Variants in XRCC4 observed in about 807,000 individuals in gnomAD.
XRCC4 encodes DNA repair protein XRCC4.
In XRCC4, 28 loss-of-function variants were observed where a neutral mutation model predicts 39.1. The ratio of observed to expected loss-of-function variants is 0.72; its 90% CI spans 0.53 to 0.98. The LOEUF is 0.98. Ranked by LOEUF, XRCC4 falls within the 50% of genes least tolerant of loss-of-function variation. The pLI is 0.00. For missense variants in XRCC4, 350 were observed against 376.4 expected, an observed-to-expected ratio of 0.93 and a Z score of 0.58; for synonymous variants, 123 against 126.4, an observed-to-expected ratio of 0.97 and a Z score of 0.18.
At chr5:83,314,982 T>C (rs780944643) in intron 7 of XRCC4, among the ~76,000 whole-genome samples, 3 of 152,056 alleles carry the variant, frequency 2.0e-5, no homozygotes, top group Non-Finnish European at 4.4e-5. Flanking sequence ...ATGATTAAGC[T>C]TAGTGAGGAA....
intron 6 of XRCC4, among the ~76,000 whole-genome samples, chr5:83,255,775 A>G (rs978295781): frequency 1.3e-5 from 2 of 152,198 alleles, no homozygotes; most frequent in Non-Finnish European, 2.9e-5. Flanking sequence ...CTCATAGAAA[A>G]TGTTCATTTT....
intron 7 of XRCC4, among the ~76,000 whole-genome samples, chr5:83,316,040 A>C (rs555276340): frequency 3.9e-5 from 6 of 152,154 alleles, no homozygotes; most frequent in Non-Finnish European, 8.8e-5. Flanking sequence ...TTCATGATTC[A>C]TGGGAGGTGG....
chr5:83,101,112 T>A (rs1161108987), intron 1 of XRCC4, among the ~76,000 whole-genome samples: 1 of 152,104 alleles, frequency 6.6e-6, no homozygotes, highest in Non-Finnish European at 1.5e-5. Context: ...TTTTAAAGGA[T>A]CATCTAATGA....
chr5:83,155,175 A>G (rs1748898506), intron 3 of XRCC4, among the ~76,000 whole-genome samples: 1 of 152,176 alleles, frequency 6.6e-6, no homozygotes, highest in Non-Finnish European at 1.5e-5. Context: ...AATTTAAATT[A>G]CTCAAAGCAA....
intron 6 of XRCC4, among the ~76,000 whole-genome samples, chr5:83,246,263 G>A (rs1753096855): frequency 6.6e-6 from 1 of 151,694 alleles, no homozygotes; most frequent in Admixed American, 6.6e-5. Context: ...GTATTCCTTG[G>A]CTAAGATATC....
At chr5:83,078,736 G>A (rs1744798554) in intron 1 of XRCC4, among the ~76,000 whole-genome samples, 1 of 152,188 alleles carries the variant, frequency 6.6e-6, no homozygotes, top group Admixed American at 6.5e-5. Context: ...TTTATTCATG[G>A]ATCTTCAGAT....
intron 6 of XRCC4, among the ~76,000 whole-genome samples, chr5:83,239,697 C>T (rs1394235112): frequency 4.0e-5 from 6 of 151,860 alleles, no homozygotes; most frequent in South Asian, 4.2e-4. Context: ...GGCATGGTGG[C>T]GGGCACCTGT....
chr5:83,234,486 A>G (rs1363784659), intron 6 of XRCC4, among the ~76,000 whole-genome samples: 1 of 152,112 alleles, frequency 6.6e-6, no homozygotes, highest in East Asian at 1.9e-4. Flanking sequence ...ACCACAGTAC[A>G]GCCTCGAACT....
At chr5:83,124,304 T>C (rs1747155053) in intron 3 of XRCC4, among the ~76,000 whole-genome samples, 1 of 152,152 alleles carries the variant, frequency 6.6e-6, no homozygotes, top group Non-Finnish European at 1.5e-5. Context: ...TAATCCCTGG[T>C]AGCCACCGAT....
In XRCC4 at chr5:83,142,678, G is replaced by GTT. The variant is rs28360074; in HGVS notation, c.315+31482_315+31483dup. On this transcript the variant is annotated intron_variant, in intron 3 of 7. Coordinates refer to ENST00000396027, the MANE Select transcript of XRCC4 (RefSeq NM_003401.5). Reference sequence around the variant, plus strand: ...GAAGTTTTGTGAGAGTGAGTCTCCTGTTTTTTTTGTTTGTTATTTTTTAAT... The same window carrying GTT: ...GAAGTTTTGTGAGAGTGAGTCTCCTGTTTTTTTTTTGTTTGTTATTTTTTAAT... 3.3e-3 allele frequency among the ~76,000 whole-genome samples: 508 copies of GTT among 151,672 alleles called. 2 individuals carry two copies. Among genetic ancestry groups the GTT allele is most frequent in the African/African-American group, 0.011 (471 of 41,336 alleles).
At chr5:83,195,652 A>G in intron 3 of XRCC4, 118 bp from the exon 4 acceptor site, 1 of 974,282 alleles carries the variant, frequency 1.0e-6, no homozygotes, top group South Asian at 2.8e-5. Flanking sequence ...TTGTAAATGC[A>G]TTGTATTTAA....
At chr5:83,079,918 A>T (rs1241547031) in intron 1 of XRCC4, among the ~76,000 whole-genome samples, 1 of 152,178 alleles carries the variant, frequency 6.6e-6, no homozygotes, top group Non-Finnish European at 1.5e-5. Flanking sequence ...AATCGTATGT[A>T]AAAATAGTGG....
intron 3 of XRCC4, among the ~76,000 whole-genome samples, chr5:83,151,176 TGTA>T (rs1305892044): frequency 2.0e-5 from 3 of 152,092 alleles, no homozygotes; most frequent in East Asian, 1.9e-4. Flanking sequence ...AAAAAATAAA[TGTA>T]GTATTTCAAA....
chr5:83,313,770 A>C (rs952321131), intron 7 of XRCC4, among the ~76,000 whole-genome samples: 2 of 152,078 alleles, frequency 1.3e-5, no homozygotes, highest in Non-Finnish European at 2.9e-5. Flanking sequence ...CAGTGAAGCT[A>C]TTCTTGATCA....
At chr5:83,338,584 T>A (rs1013585396) in intron 7 of XRCC4, among the ~76,000 whole-genome samples, 10 of 152,334 alleles carry the variant, frequency 6.6e-5, no homozygotes, top group African/African-American at 2.2e-4. Context: ...TATTATTTTT[T>A]AAACTCATTT....
rs558785274 is a variant in XRCC4 at position 83,122,957 on chromosome 5, C to A, written c.315+11754C>A. Among the ~76,000 whole-genome samples, 170 of 152,144 alleles carry A rather than the reference C, an allele frequency of 1.1e-3. No homozygotes were observed. In the Middle Eastern group the frequency reaches 0.014, roughly 12 times the overall value. On this transcript the variant is annotated intron_variant, in intron 3 of 7. Transcript: ENST00000396027. ...ACTTGTATTATGGCACTGAATGTAACCGTTGTTCAATGTTTTGTATGCACT... is the reference window on the plus strand; with the variant it reads ...ACTTGTATTATGGCACTGAATGTAAACGTTGTTCAATGTTTTGTATGCACT...
chr5:83,220,892 G>A (rs889086598), intron 6 of XRCC4, among the ~76,000 whole-genome samples: 4 of 151,992 alleles, frequency 2.6e-5, no homozygotes, highest in East Asian at 1.9e-4. Flanking sequence ...TCCTTTCTGC[G>A]AACTAAGCTA....
intron 3 of XRCC4, 108 bp downstream of exon 3, chr5:83,111,311 G>C (rs928931582): frequency 1.8e-4 from 154 of 857,008 alleles, no homozygotes; most frequent in Non-Finnish European, 2.5e-4. Context: ...CACCTCAGAA[G>C]CAAAAGCTTG....
chr5:83,284,833 A>G (rs1388156952), intron 7 of XRCC4, among the ~76,000 whole-genome samples: 1 of 152,172 alleles, frequency 6.6e-6, no homozygotes, highest in African/African-American at 2.4e-5. Flanking sequence ...TTAAATACTT[A>G]TATACTATTA....
Sources: gnomAD v4.1 joint callset for allele counts (sites outside exome capture counted in the v4.1 genomes callset) on GRCh38, gnomAD v4.1.1 for gene constraint, MANE v1.5 for transcripts, NCBI Gene and HGNC (gene_info 2026-07-23, HGNC 2026-07-21) for gene names.